The following RAD54L2 variants were observed in gnomAD, a reference collection of about 807,000 sequenced individuals.
RAD54L2 encodes helicase ARIP4.
In RAD54L2, 27 loss-of-function variants were observed where a neutral mutation model predicts 138.4. The observed-to-expected ratio is 0.20, with a 90% CI of 0.14 to 0.27. RAD54L2 has a LOEUF of 0.27. Among genes scored for constraint, RAD54L2 ranks in the 10% least tolerant of loss-of-function variants. RAD54L2 has a pLI of 1.00. For synonymous variants in RAD54L2, 644 were observed against 723.2 expected, an observed-to-expected ratio of 0.89 and a Z score of 1.76; for missense variants, 1,396 against 1,890.2, an observed-to-expected ratio of 0.74 and a Z score of 4.85.
rs945841457 is a variant in RAD54L2, at chr3:51,666,284, A to G, written c.*2864A>G. 11 of 146,354 alleles carry G rather than the reference A, an allele frequency of 7.5e-5. No individual in the cohort carries two copies. The highest frequency in any genetic ancestry group is 2.8e-4 in the African/African-American group (11 of 39,382). 9.1% of individuals were successfully genotyped at this position (146,354 alleles called of 1,614,324 possible). On this transcript the variant is annotated 3_prime_UTR_variant, in exon 23 of 23. Coordinates refer to ENST00000684192, the MANE Select transcript of RAD54L2 (RefSeq NM_015106.4). ...TGTGCTGATAGGCAAATGTGCATGC[A>G]CACCAAACATAAGCATGTTTGTGAG...
chr3:51,620,549 A>G (rs1021593477), intron 3 of RAD54L2, among the ~76,000 whole-genome samples: 5 of 151,794 alleles, frequency 3.3e-5, no homozygotes, highest in African/African-American at 9.7e-5. Context: ...CCCCTGGGGA[A>G]AGAGTCCTGG....
intron 7 of RAD54L2, among the ~76,000 whole-genome samples, chr3:51,633,171 G>A (rs1700892627): frequency 6.6e-6 from 1 of 152,182 alleles, no homozygotes; most frequent in South Asian, 2.1e-4. Context: ...AGTGAGTTGA[G>A]ATAGCACCAC....
chr3:51,620,118 G>A (rs998016750), intron 3 of RAD54L2, among the ~76,000 whole-genome samples: 1 of 151,776 alleles, frequency 6.6e-6, no homozygotes, highest in Non-Finnish European at 1.5e-5. Flanking sequence ...TAATAGACAG[G>A]GTCTTGCTCT....
chr3:51,628,209 A>G lies in RAD54L2; in HGVS notation c.341+455A>G, dbSNP rs1700739502. 2.0e-5 allele frequency among the ~76,000 whole-genome samples: 3 copies of G among 152,116 alleles called. No individual in the cohort carries two copies. The South Asian group carries it at 6.2e-4, about 31-fold the overall frequency. ...AAAATGTGAACTTCTTTAACTATCC[A>G]AATCCCCAACAGTTCTTCCTTCCAT... On this transcript the variant is annotated intron_variant, in intron 4 of 22. Coordinates refer to ENST00000684192, the MANE Select transcript of RAD54L2 (RefSeq NM_015106.4).
chr3:51,584,416 A>T (rs893012862), intron 2 of RAD54L2, among the ~76,000 whole-genome samples: 29 of 152,046 alleles, frequency 1.9e-4, no homozygotes, highest in Admixed American at 4.6e-4. Context: ...CTTTGTGTGT[A>T]TCTAAATTTT....
chr3:51,625,988 A>G (rs1364710863), intron 3 of RAD54L2, among the ~76,000 whole-genome samples: 1 of 152,142 alleles, frequency 6.6e-6, no homozygotes, highest in Non-Finnish European at 1.5e-5. Flanking sequence ...GGGGTCCTGT[A>G]ACAGAAAAAA....
At chr3:51,571,911 G>T (rs939099300) in intron 2 of RAD54L2, among the ~76,000 whole-genome samples, 1 of 151,670 alleles carries the variant, frequency 6.6e-6, no homozygotes, top group Non-Finnish European at 1.5e-5. Context: ...AAAATCTGTA[G>T]TCTGGATTTT....
At chr3:51,633,390 T>C (rs1457704169) in intron 7 of RAD54L2, among the ~76,000 whole-genome samples, 187 bp from the exon 8 acceptor site, 2 of 152,156 alleles carry the variant, frequency 1.3e-5, no homozygotes, top group African/African-American at 4.8e-5. Context: ...CTTTTCTGTT[T>C]TTTCCAAGAG....
At chr3:51,575,088 A>G (rs1699436604) in intron 2 of RAD54L2, among the ~76,000 whole-genome samples, 2 of 152,166 alleles carry the variant, frequency 1.3e-5, no homozygotes, top group Admixed American at 1.3e-4. Flanking sequence ...TCCCAGCACC[A>G]TTTATTAAAT....
chr3:51,618,699 C>A (rs558923153), intron 3 of RAD54L2, among the ~76,000 whole-genome samples: 167 of 152,254 alleles, frequency 1.1e-3, no homozygotes, highest in African/African-American at 4.0e-3. Flanking sequence ...TTTGAGCTGA[C>A]GCTGTAATGA....
At position 51,590,349 on chromosome 3, in the gene RAD54L2, C is replaced by T. The variant is rs1699812934; in HGVS notation, c.-54-18C>T. 2.1e-6 allele frequency: 3 copies of T among 1,428,724 alleles called. No homozygotes were observed. Among genetic ancestry groups the T allele is most frequent in the Non-Finnish European group, 2.8e-6 (3 of 1,081,748 alleles). 88.5% of individuals were successfully genotyped at this position (1,428,724 alleles called of 1,614,324 possible). ...AGCAAAACCCTTGGTGATTCTGATGCCTTTCATCCTCTCCTAGCACCCCTG... is the reference window on the plus strand; with the variant it reads ...AGCAAAACCCTTGGTGATTCTGATGTCTTTCATCCTCTCCTAGCACCCCTG... On this transcript the variant is annotated intron_variant, in intron 2 of 22. Transcript: ENST00000684192.
At chr3:51,643,025 T>C (rs1701178185) in intron 15 of RAD54L2, among the ~76,000 whole-genome samples, 1 of 150,544 alleles carries the variant, frequency 6.6e-6, no homozygotes, top group Admixed American at 6.7e-5. Context: ...GCTTCTTAAC[T>C]GAAGTCTTTT....
At chr3:51,628,310 T>A (rs1577437528) in intron 4 of RAD54L2, among the ~76,000 whole-genome samples, 1 of 151,980 alleles carries the variant, frequency 6.6e-6, no homozygotes, top group South Asian at 2.1e-4. Flanking sequence ...AAAAAAAAAA[T>A]AACGACAACT....
At chr3:51,578,612 C>T (rs1007196537) in intron 2 of RAD54L2, among the ~76,000 whole-genome samples, 1 of 152,144 alleles carries the variant, frequency 6.6e-6, no homozygotes, top group African/African-American at 2.4e-5. Context: ...GAGTGAACTC[C>T]GCTCACTCGC....
chr3:51,581,245 G>A (rs1293303910), intron 2 of RAD54L2, among the ~76,000 whole-genome samples: 1 of 152,040 alleles, frequency 6.6e-6, no homozygotes, highest in African/African-American at 2.4e-5. Flanking sequence ...CTACAGGCAC[G>A]CACCACCACA....
chr3:51,562,867 T>G (rs1699129668), intron 2 of RAD54L2, among the ~76,000 whole-genome samples: 1 of 152,156 alleles, frequency 6.6e-6, no homozygotes, highest in South Asian at 2.1e-4. Flanking sequence ...CTCAAACTCT[T>G]GGACTCAAGC....
Position 51,590,403 on chromosome 3 carries a change from T to A in RAD54L2, c.-18T>A. ...TGGACCATGAGTCGGTAATGCCCAC[T>A]GAGGACCTCTGGGAGCCATGTCAGA... is the stretch of plus-strand genomic sequence containing the variant. On this transcript the variant is annotated 5_prime_UTR_variant, in exon 3 of 23. Transcript: ENST00000684192. 2 of 1,515,228 alleles carry A rather than the reference T, an allele frequency of 1.3e-6. No homozygotes were observed. The highest frequency in any genetic ancestry group is 1.8e-6 in the Non-Finnish European group (2 of 1,127,380). The allele number at this position is 1,515,228 out of a possible 1,614,324, so 93.9% of individuals were successfully genotyped here. A position where few individuals can be genotyped will look rare whatever the true frequency, so the allele number is the denominator to read the frequency against.
intron 19 of RAD54L2, among the ~76,000 whole-genome samples, chr3:51,652,130 C>A (rs1457934910): frequency 3.3e-5 from 5 of 152,104 alleles, no homozygotes; most frequent in Non-Finnish European, 5.9e-5. Flanking sequence ...ACAAGCATTC[C>A]TATACACCAA....
In RAD54L2 at chr3:51,633,660, G is replaced by A. The variant is rs1577443808; in HGVS notation, c.909G>A (p.Leu303=). Residue 303 remains leucine (L), a synonymous_variant, in exon 8 of 23, where the codon CTG becomes CTA. Coordinates refer to ENST00000684192, the MANE Select transcript of RAD54L2 (RefSeq NM_015106.4). ...CCAGCAGTGGCTTTGGCTGTATTCT[G>A]GCCCACAGCATGGGTCTGGGGAAAA... ...FKTSSGFGCI[L]AHSMGLGKTL... is the part of the protein sequence containing the mutation. 1.2e-6 allele frequency: 2 copies of A among 1,613,898 alleles called. No homozygotes were observed. The highest frequency in any genetic ancestry group is 2.7e-5 in the African/African-American group (2 of 75,020).
Sources: gnomAD v4.1 joint callset for allele counts (sites outside exome capture counted in the v4.1 genomes callset) on GRCh38, gnomAD v4.1.1 for gene constraint, MANE v1.5 for transcripts, NCBI Gene and HGNC (gene_info 2026-07-23, HGNC 2026-07-21) for gene names.